BIRC6: variants seen among roughly 807,000 people sequenced by gnomAD.
BIRC6 encodes baculoviral IAP repeat containing 6.
In BIRC6, 98 loss-of-function variants were observed where a neutral mutation model predicts 503.3. That is an observed-to-expected ratio of 0.19 (90% CI 0.17 to 0.23). BIRC6 has a LOEUF of 0.23. Among genes scored for constraint, BIRC6 ranks in the 10% least tolerant of loss-of-function variants. BIRC6 has a pLI of 1.00. For missense variants in BIRC6, 5,360 were observed against 5,806.0 expected (o/e 0.92, Z 2.50); for synonymous variants, 2,240 against 2,078.7 (o/e 1.08, Z -2.11).
intron 49 of BIRC6, among the ~76,000 whole-genome samples, chr2:32,503,527 G>A (rs547714724): frequency 3.9e-5 from 6 of 152,092 alleles, no homozygotes; most frequent in African/African-American, 1.4e-4. Flanking sequence ...GGGTTCAAGC[G>A]ATTCCTGCCT....
chr2:32,489,921 C>T (rs754384302), intron 42 of BIRC6, 120 bp from the exon 43 acceptor site: 11 of 651,424 alleles, frequency 1.7e-5, no homozygotes, highest in Non-Finnish European at 2.7e-5. Context: ...GTTTTGAAGA[C>T]ACTGGTTAAG....
intron 65 of BIRC6, among the ~76,000 whole-genome samples, chr2:32,572,359 T>C (rs959054030): frequency 6.6e-6 from 1 of 152,252 alleles, no homozygotes; most frequent in Non-Finnish European, 1.5e-5. Context: ...GTGAATGTTA[T>C]TGTTTGATTA....
intron 1 of BIRC6, among the ~76,000 whole-genome samples, chr2:32,359,946 A>AT (rs530399976): frequency 1.3e-3 from 196 of 152,168 alleles, no homozygotes; most frequent in Non-Finnish European, 2.4e-3. Flanking sequence ...TGAGGAGGGA[A>AT]TGCTGCATTT....
At chr2:32,562,532 T>G (rs947249879) in intron 65 of BIRC6, among the ~76,000 whole-genome samples, 1 of 152,248 alleles carries the variant, frequency 6.6e-6, no homozygotes, top group African/African-American at 2.4e-5. Context: ...CGCAATTTTA[T>G]GTATTCCACC....
At position 32,478,884 on chromosome 2, in the gene BIRC6, T is replaced by C. The variant is rs545774713; in HGVS notation, c.7252+66T>C. 60 of 1,500,338 alleles carry C rather than the reference T, an allele frequency of 4.0e-5. No individual in the cohort carries two copies. In the African/African-American group the frequency reaches 4.5e-4, roughly 11 times the overall value. 92.9% of individuals were successfully genotyped at this position (1,500,338 alleles called of 1,614,324 possible). ...CTTGTCATTGCTCAACTAAGAATCTTCAAAGGGATCTTTAACCCCTAGAGG... is the reference window on the plus strand; with the variant it reads ...CTTGTCATTGCTCAACTAAGAATCTCCAAAGGGATCTTTAACCCCTAGAGG... On this transcript the variant is annotated intron_variant, in intron 36 of 73. Coordinates refer to ENST00000421745, the MANE Select transcript of BIRC6 (RefSeq NM_016252.4).
At chr2:32,461,068 T>TTCTCTTCTCTTCTCTTCTCTTCTCC (rs2047890874) in intron 23 of BIRC6, among the ~76,000 whole-genome samples, 3 of 26,836 alleles carry the variant, frequency 1.1e-4, no homozygotes, top group Non-Finnish European at 1.8e-4. Flanking sequence ...TTCTCTTCTG[T>TTCTCTTCTCTTCTCTTCTCTTCTCC]TCTCCTCTCC....
At chr2:32,572,246 A>G (rs1280776622) in intron 65 of BIRC6, among the ~76,000 whole-genome samples, 1 of 152,200 alleles carries the variant, frequency 6.6e-6, no homozygotes, top group Admixed American at 6.5e-5. Context: ...TTTAGTCCAA[A>G]GTCCAATTTA....
At chr2:32,459,409 T>G (rs905260155) in intron 23 of BIRC6, among the ~76,000 whole-genome samples, 10 of 151,802 alleles carry the variant, frequency 6.6e-5, no homozygotes, top group African/African-American at 2.4e-4. Flanking sequence ...TTTGTTTTGT[T>G]TTTTGTTTTT....
Position 32,392,039 on chromosome 2 carries a change from A to G in BIRC6, c.840A>G (p.Arg280=). The change falls in exon 5 of 74, where the codon AGA becomes AGG. Residue 280 remains arginine, a splice_region_variant and synonymous_variant. Transcript: ENST00000421745. ...LGVGPGRSVD[R]SLMYSEANRR... ...TTACATAAAGTATGTTTACTTTTAG[A>G]TCACTGATGTATAGTGAAGCTAACA... 1 of 1,548,960 alleles carries G rather than the reference A, an allele frequency of 6.5e-7. No homozygotes were observed. Among genetic ancestry groups the G allele is most frequent in the Non-Finnish European group, 8.8e-7 (1 of 1,138,004 alleles).
intron 51 of BIRC6, 71 bp downstream of exon 51, chr2:32,508,330 ATTAT>A: frequency 1.5e-6 from 2 of 1,346,782 alleles, no homozygotes; most frequent in Middle Eastern, 4.8e-4. Flanking sequence ...AGGGGACTTA[ATTAT>A]TTTGTGGGTT....
At chr2:32,459,660 TTGTG>T (rs2047619887) in intron 23 of BIRC6, among the ~76,000 whole-genome samples, 1 of 152,192 alleles carries the variant, frequency 6.6e-6, no homozygotes, top group South Asian at 2.1e-4. Flanking sequence ...GCATTAACAC[TTGTG>T]TGTGTGTTTT....
chr2:32,392,804 C>A (rs977186640), intron 5 of BIRC6, among the ~76,000 whole-genome samples: 1 of 151,542 alleles, frequency 6.6e-6, no homozygotes, highest in African/African-American at 2.4e-5. Context: ...TTTGCACCAA[C>A]CTAATTTTTT....
rs75662997 is a variant in BIRC6, at chr2:32,468,815, G to A, written c.6127+32G>A. On this transcript the variant is annotated intron_variant, in intron 29 of 73. Coordinates refer to ENST00000421745, the MANE Select transcript of BIRC6 (RefSeq NM_016252.4). ...ATTTGGCTTACATATTTTAAAGGCT[G>A]GGAATATACTTGATGTGATTTCGCT... 5.4e-3 allele frequency: 7,908 copies of A among 1,463,516 alleles called. 98 individuals carry two copies. The highest frequency in any genetic ancestry group is 0.034 in the African/African-American group (2,458 of 71,382). 90.7% of individuals were successfully genotyped at this position (1,463,516 alleles called of 1,614,324 possible).
chr2:32,416,868 T>C (rs1337833461), intron 10 of BIRC6, among the ~76,000 whole-genome samples: 1 of 149,026 alleles, frequency 6.7e-6, no homozygotes, highest in African/African-American at 2.5e-5. Flanking sequence ...GGAAGTTTCA[T>C]TCTTGTTGCC....
At chr2:32,466,284 A>T (rs561839932) in intron 26 of BIRC6, among the ~76,000 whole-genome samples, 1 of 152,308 alleles carries the variant, frequency 6.6e-6, no homozygotes, top group East Asian at 1.9e-4. Context: ...TGACATTATT[A>T]ATGATCTGCC....
At chr2:32,409,961 G>C (rs1203673433) in intron 9 of BIRC6, among the ~76,000 whole-genome samples, 1 of 152,142 alleles carries the variant, frequency 6.6e-6, no homozygotes, top group East Asian at 1.9e-4. Context: ...CCCACATGTT[G>C]AATAAATATT....
chr2:32,357,031 C>A lies in BIRC6; in HGVS notation c.-131C>A. On this transcript the variant is annotated 5_prime_UTR_variant, in exon 1 of 74. The change creates a new upstream start codon in the 5' untranslated region. Coordinates refer to ENST00000421745, the MANE Select transcript of BIRC6 (RefSeq NM_016252.4). This position sits in a 1 kb window ranked among gnomAD's most constrained non-coding sequence, Gnocchi z 4.9. ...CGCGCCCCGGGCCCCGCCTCCCTCC[C>A]TGCTTCTCCCCCTCTCCCGTCAGCC... The A allele has an allele frequency of 1.2e-6, 1 of 835,904 alleles. No individual in the cohort carries two copies. The highest frequency in any genetic ancestry group is 1.7e-6 in the Non-Finnish European group (1 of 582,346). 51.8% of individuals were successfully genotyped at this position (835,904 alleles called of 1,614,324 possible). A position where few individuals can be genotyped will look rare whatever the true frequency, so the allele number is the denominator to read the frequency against.
intron 65 of BIRC6, among the ~76,000 whole-genome samples, chr2:32,561,482 T>G (rs1233240358): frequency 1.3e-5 from 2 of 151,688 alleles, no homozygotes; most frequent in African/African-American, 2.4e-5. Context: ...TCAAATGATC[T>G]GCCCACCTCG....
chr2:32,518,484 A>T (rs2055303741), intron 56 of BIRC6, 87 bp downstream of exon 56: 1 of 1,362,256 alleles, frequency 7.3e-7, no homozygotes, highest in Non-Finnish European at 1.0e-6. Flanking sequence ...CTATGTTCTA[A>T]CTTCGAGTAT....
Sources: allele counts gnomAD v4.1 joint callset (sites outside exome capture counted in the v4.1 genomes callset), GRCh38; gene constraint gnomAD v4.1.1; non-coding constraint Gnocchi (gnomAD v3.1); transcripts MANE v1.5; gene names NCBI Gene and HGNC (gene_info 2026-07-23, HGNC 2026-07-21).